UNC5D: variants seen among roughly 807,000 people sequenced by gnomAD.
UNC5D encodes netrin receptor UNC5D.
UNC5D carries 39 observed loss-of-function variants against 105.4 expected under a neutral mutation model. The observed-to-expected ratio is 0.37, with a 90% CI of 0.29 to 0.48. UNC5D has a LOEUF of 0.48. UNC5D is among the 20% of genes least tolerant of loss of function. The pLI is 0.98. For synonymous variants in UNC5D, 452 were observed against 450.4 expected, an observed-to-expected ratio of 1.00 and a Z score of -0.04; for missense variants, 991 against 1,202.4, an observed-to-expected ratio of 0.82 and a Z score of 2.60.
intron 1 of UNC5D, among the ~76,000 whole-genome samples, chr8:35,467,741 G>C (rs890047234): frequency 3.3e-5 from 5 of 152,062 alleles, no homozygotes; most frequent in African/African-American, 1.2e-4. Flanking sequence ...TTGGGGTAGG[G>C]TGGAGGGAAT....
intron 1 of UNC5D, among the ~76,000 whole-genome samples, chr8:35,448,704 C>A (rs977998218): frequency 6.6e-6 from 1 of 152,042 alleles, no homozygotes; most frequent in African/African-American, 2.4e-5. Context: ...TTTACTATAA[C>A]CATCCTAGAA....
chr8:35,686,345 G>C (rs958312590), intron 6 of UNC5D, among the ~76,000 whole-genome samples, 200 bp from the exon 7 acceptor site: 8 of 152,172 alleles, frequency 5.3e-5, no homozygotes, highest in African/African-American at 1.9e-4. Flanking sequence ...GAAATAGCAA[G>C]AGTATTATAC....
chr8:35,348,228 CA>C (rs902699095), intron 1 of UNC5D, among the ~76,000 whole-genome samples: 1 of 150,884 alleles, frequency 6.6e-6, no homozygotes, highest in Non-Finnish European at 1.5e-5. Context: ...GTTGTTTTAC[CA>C]AAAAAAATTA....
intron 3 of UNC5D, among the ~76,000 whole-genome samples, chr8:35,589,060 TACC>T (rs1818982790): frequency 6.6e-6 from 1 of 152,002 alleles, no homozygotes; most frequent in Non-Finnish European, 1.5e-5. Context: ...AAAAAAGGAT[TACC>T]TGCCAAAACA....
At chr8:35,426,166 G>T (rs566295847) in intron 1 of UNC5D, among the ~76,000 whole-genome samples, 14 of 152,066 alleles carry the variant, frequency 9.2e-5, no homozygotes, top group Middle Eastern at 3.4e-3. Context: ...ACAATAAGAC[G>T]TGGATTCTTC....
At chr8:35,260,786 A>T (rs1423241878) in intron 1 of UNC5D, among the ~76,000 whole-genome samples, 1 of 152,008 alleles carries the variant, frequency 6.6e-6, no homozygotes, top group Non-Finnish European at 1.5e-5. Context: ...AGCGTGTAGC[A>T]GCTGTGACTC....
chr8:35,546,389 A>G (rs1815680164), intron 1 of UNC5D, among the ~76,000 whole-genome samples: 2 of 152,148 alleles, frequency 1.3e-5, no homozygotes, highest in South Asian at 2.1e-4. Flanking sequence ...AATGGTTAAA[A>G]CTTGATCTAT....
chr8:35,657,241 G>A (rs1023738268), intron 4 of UNC5D, among the ~76,000 whole-genome samples: 1 of 150,712 alleles, frequency 6.6e-6, no homozygotes, highest in African/African-American at 2.4e-5. Flanking sequence ...GTTAAATCAT[G>A]TTCTTAGGTA....
intron 1 of UNC5D, among the ~76,000 whole-genome samples, chr8:35,236,757 G>T (rs184644972): frequency 3.3e-5 from 5 of 152,332 alleles, no homozygotes; most frequent in South Asian, 4.1e-4. Flanking sequence ...TTTTGAAGAT[G>T]ATCAGAGGCA....
intron 7 of UNC5D, among the ~76,000 whole-genome samples, chr8:35,700,294 A>G (rs953940618): frequency 6.6e-6 from 1 of 152,086 alleles, no homozygotes; most frequent in Non-Finnish European, 1.5e-5. Context: ...ATAAACAAAT[A>G]GCTCTTAATT....
chr8:35,411,529 CACTT>C (rs1805166778), intron 1 of UNC5D, among the ~76,000 whole-genome samples: 1 of 151,958 alleles, frequency 6.6e-6, no homozygotes, highest in Admixed American at 6.6e-5. Context: ...ACATAGTAGA[CACTT>C]ACTAAATTTT....
At chr8:35,371,682 G>A (rs904418814) in intron 1 of UNC5D, among the ~76,000 whole-genome samples, 1 of 151,990 alleles carries the variant, frequency 6.6e-6, no homozygotes, top group African/African-American at 2.4e-5. Flanking sequence ...AAAAATCCAG[G>A]TCATAACTCT....
chr8:35,638,568 G>A (rs1003119479), intron 4 of UNC5D, among the ~76,000 whole-genome samples: 1 of 151,982 alleles, frequency 6.6e-6, no homozygotes, highest in African/African-American at 2.4e-5. Context: ...GCCAGGGAGG[G>A]AGGAATGCTT....
At chr8:35,683,146 A>G (rs913124037) in intron 4 of UNC5D, among the ~76,000 whole-genome samples, 1 of 152,248 alleles carries the variant, frequency 6.6e-6, no homozygotes, top group African/African-American at 2.4e-5. Flanking sequence ...CCTCTCACAC[A>G]AAATACAAGT....
intron 1 of UNC5D, chr8:35,255,420 G>C (rs897096685): frequency 6.6e-6 from 1 of 152,106 alleles, no homozygotes; most frequent in African/African-American, 2.4e-5. Context: ...CTAATTAAGA[G>C]ACACAAACCA....
At chr8:35,755,260 G>GA (rs951929661) in intron 13 of UNC5D, among the ~76,000 whole-genome samples, 26 of 151,870 alleles carry the variant, frequency 1.7e-4, no homozygotes, top group Admixed American at 5.2e-4. Flanking sequence ...AAAGAAAATA[G>GA]AAAAAAACAA....
intron 1 of UNC5D, among the ~76,000 whole-genome samples, chr8:35,408,351 A>G (rs1030950412): frequency 1.3e-5 from 2 of 151,660 alleles, no homozygotes; most frequent in Non-Finnish European, 2.9e-5. Flanking sequence ...GATGATGTAG[A>G]TATGACAATC....
At chr8:35,367,350 C>T (rs1802175438) in intron 1 of UNC5D, among the ~76,000 whole-genome samples, 1 of 152,084 alleles carries the variant, frequency 6.6e-6, no homozygotes, top group African/African-American at 2.4e-5. Context: ...TCTATTTTTT[C>T]AATTTATTAT....
intron 1 of UNC5D, among the ~76,000 whole-genome samples, chr8:35,325,393 A>G (rs1413337492): frequency 6.6e-6 from 1 of 152,172 alleles, no homozygotes; most frequent in African/African-American, 2.4e-5. Flanking sequence ...ACAAAGGAAG[A>G]TAGATCTCAG....
Sources: gnomAD v4.1 joint callset for allele counts (sites outside exome capture counted in the v4.1 genomes callset) on GRCh38, gnomAD v4.1.1 for gene constraint, MANE v1.5 for transcripts, NCBI Gene and HGNC (gene_info 2026-07-23, HGNC 2026-07-21) for gene names.